Variants in MET observed in about 807,000 individuals in gnomAD.
The protein encoded by MET is MET proto-oncogene, receptor tyrosine kinase, also known as hepatocyte growth factor receptor.
In MET, 48 loss-of-function variants were observed where a neutral mutation model predicts 133.1. The observed-to-expected ratio is 0.36, with a 90% confidence interval of 0.29 to 0.46. MET has a LOEUF of 0.46. Among genes scored for constraint, MET ranks in the 20% least tolerant of loss-of-function variants. The pLI is 1.00. For missense variants in MET, 1,442 were observed against 1,695.9 expected (o/e 0.85, Z 2.63); for synonymous variants, 628 against 616.5 (o/e 1.02, Z -0.28).
chr7:116,728,353 A>T (rs1424713187), intron 2 of MET, among the ~76,000 whole-genome samples: 1 of 152,204 alleles, frequency 6.6e-6, no homozygotes, highest in Non-Finnish European at 1.5e-5. Context: ...TTGAGGAGAT[A>T]CTATTTAGAG....
intron 19 of MET, among the ~76,000 whole-genome samples, chr7:116,784,661 C>T (rs1795256079): frequency 6.6e-6 from 1 of 152,152 alleles, no homozygotes; most frequent in African/African-American, 2.4e-5. Context: ...CAACCACGCC[C>T]CTCCCTCAGC....
At chr7:116,727,780 G>A (rs768789594) in intron 2 of MET, among the ~76,000 whole-genome samples, 12 of 152,190 alleles carry the variant, frequency 7.9e-5, no homozygotes, top group Non-Finnish European at 1.8e-4. Flanking sequence ...TGTCTACAGT[G>A]CTGAGATAAA....
intron 17 of MET, among the ~76,000 whole-genome samples, chr7:116,780,442 A>AC (rs1158647241): frequency 2.6e-5 from 4 of 152,296 alleles, no homozygotes; most frequent in African/African-American, 9.6e-5. Context: ...AGGCGAATTG[A>AC]CCTTACAAAG....
chr7:116,696,518 A>G lies in MET; in HGVS notation c.-14-2553A>G, dbSNP rs201228499. Among the ~76,000 whole-genome samples the G allele has an allele frequency of 1.6e-4, 25 of 152,318 alleles. No individual in the cohort carries two copies. The East Asian group carries it at 4.8e-3, about 29-fold the overall frequency. On this transcript the variant is annotated intron_variant, in intron 1 of 20. Coordinates refer to ENST00000397752, the MANE Select transcript of MET (RefSeq NM_000245.4). ...CCTTGAAGATCAACAAACGGGTTCC[A>G]TGTGGACCAACGTCCTCCTTGAGAC...
In MET at chr7:116,718,864, T is replaced by A. The variant is rs1310503223; in HGVS notation, c.1201-12804T>A. On this transcript the variant is annotated intron_variant, in intron 2 of 20. Transcript: ENST00000397752. Reference sequence around the variant, plus strand: ...TGCATAGTATTCCATGGTGTATATGTGCCACATTTTCTTAATCCAGTCTAT... The same window carrying A: ...TGCATAGTATTCCATGGTGTATATGAGCCACATTTTCTTAATCCAGTCTAT... Among the ~76,000 whole-genome samples, 3 of 145,320 alleles carry A rather than the reference T, an allele frequency of 2.1e-5. No homozygotes were observed. In the Admixed American group the frequency reaches 2.1e-4, roughly 10 times the overall value.
At chr7:116,793,029 C>T (rs560981803) in intron 19 of MET, among the ~76,000 whole-genome samples, 1 of 152,280 alleles carries the variant, frequency 6.6e-6, no homozygotes, top group Non-Finnish European at 1.5e-5. Context: ...TGTCCCTCAC[C>T]TATTCTTATT....
At chr7:116,774,503 A>G (rs1794929911) in intron 14 of MET, among the ~76,000 whole-genome samples, 1 of 152,248 alleles carries the variant, frequency 6.6e-6, no homozygotes, top group Non-Finnish European at 1.5e-5. Context: ...CTCAAAAGGC[A>G]TCTTTTTCAT....
At chr7:116,691,006 T>C (rs935451509) in intron 1 of MET, among the ~76,000 whole-genome samples, 1 of 152,222 alleles carries the variant, frequency 6.6e-6, no homozygotes, top group African/African-American at 2.4e-5. Context: ...ATAATATAAA[T>C]GTGGACAGGG....
At chr7:116,698,201 A>G (rs975592473) in intron 1 of MET, among the ~76,000 whole-genome samples, 1 of 152,226 alleles carries the variant, frequency 6.6e-6, no homozygotes, top group South Asian at 2.1e-4. Flanking sequence ...GTGCACCTTA[A>G]GTTTTAAATA....
chr7:116,740,867 T>C lies in MET; in HGVS notation c.1543T>C (p.Leu515=). 1.2e-6 allele frequency: 2 copies of C among 1,614,138 alleles called. No homozygotes were observed. Among genetic ancestry groups the C allele is most frequent in the Non-Finnish European group, 1.7e-6 (2 of 1,180,018 alleles). ...ITGKKITKIP[L]NGLGCRHFQS... is the part of the protein sequence containing the mutation. ...CTCTTCACAGATCACGAAGATCCCA[T>C]TGAATGGCTTGGGCTGCAGACATTT... is the stretch of plus-strand genomic sequence containing the variant. The change falls in exon 5 of 21, where the codon TTG becomes CTG. Residue 515 remains leucine, a synonymous_variant. Transcript: ENST00000397752.
chr7:116,794,411 A>G (rs1795608986), intron 19 of MET, among the ~76,000 whole-genome samples: 1 of 152,348 alleles, frequency 6.6e-6, no homozygotes, highest in East Asian at 1.9e-4. Context: ...AAAGTTCTGT[A>G]GCTCCCTCCT....
intron 1 of MET, among the ~76,000 whole-genome samples, chr7:116,676,746 A>C (rs984043025): frequency 1.8e-4 from 27 of 152,144 alleles, no homozygotes; most frequent in African/African-American, 6.5e-4. Flanking sequence ...TATGAGGAGC[A>C]CTTCTCAGGA....
intron 6 of MET, among the ~76,000 whole-genome samples, chr7:116,756,838 C>A (rs1268551338): frequency 6.6e-6 from 1 of 152,164 alleles, no homozygotes; most frequent in African/African-American, 2.4e-5. Context: ...ATTATCCAAA[C>A]TTAGATTATT....
At chr7:116,731,646 C>G (rs2116778610) in intron 2 of MET, 22 bp from the exon 3 acceptor site, 1 of 1,613,644 alleles carries the variant, frequency 6.2e-7, no homozygotes, top group Non-Finnish European at 8.5e-7. Flanking sequence ...CACATTAACT[C>G]TATGACCATA....
rs2116983288 is a variant in MET at position 116,769,699 on chromosome 7, A to G, written c.2638A>G (p.Lys880Glu). 1 of 1,613,812 alleles carries G rather than the reference A, an allele frequency of 6.2e-7. No individual in the cohort carries two copies. Among genetic ancestry groups the G allele is most frequent in the African/African-American group, 1.3e-5 (1 of 74,970 alleles). The change falls in exon 12 of 21, where the codon AAG becomes GAG. Residue 880 changes from lysine to glutamate, a missense_variant. Physicochemically the swap from Lys to Glu is moderately conservative, Grantham distance 56. Transcript: ENST00000397752. The stretch of plus-strand genomic sequence containing the variant: ...AGGTGAAGTGTTAAAAGTTGGAAAT[A>G]AGAGCTGTGAGAATATACACTTACA... ...VKGEVLKVGN[K>E]SCENIHLHSE...
intron 1 of MET, among the ~76,000 whole-genome samples, chr7:116,684,051 C>T (rs1456615404): frequency 1.3e-5 from 2 of 152,188 alleles, no homozygotes; most frequent in Non-Finnish European, 2.9e-5. Flanking sequence ...TTACAGACTC[C>T]ACCACTTAGA....
chr7:116,739,809 C>T, intron 3 of MET, 141 bp from the exon 4 acceptor site: 2 of 1,168,054 alleles, frequency 1.7e-6, no homozygotes, highest in Non-Finnish European at 2.5e-6. Context: ...TATTGATTTA[C>T]AATGAGGGGA....
At position 116,797,772 on chromosome 7, in the gene MET, G is replaced by A; in HGVS notation, c.*1648G>A. 4.4e-6 allele frequency: 1 copy of A among 227,266 alleles called. No individual in the cohort carries two copies. The highest frequency in any genetic ancestry group is 8.7e-6 in the Non-Finnish European group (1 of 114,286). 14.1% of individuals were successfully genotyped at this position (227,266 alleles called of 1,614,324 possible). A position where few individuals can be genotyped will look rare whatever the true frequency, so the allele number is the denominator to read the frequency against. ...TGACTGTAAATTGCGATAAGGAAAT[G>A]TACTGATTGCCAATACACCCCACCC... On this transcript the variant is annotated 3_prime_UTR_variant, in exon 21 of 21. Transcript: ENST00000397752.
chr7:116,781,306 C>G (rs977239438), intron 17 of MET, among the ~76,000 whole-genome samples: 1 of 152,158 alleles, frequency 6.6e-6, no homozygotes, highest in Non-Finnish European at 1.5e-5. Flanking sequence ...GGTGTGCCTC[C>G]TCCTCTTGCA....
Sources: allele counts gnomAD v4.1 joint callset (sites outside exome capture counted in the v4.1 genomes callset), GRCh38; gene constraint gnomAD v4.1.1; transcripts MANE v1.5; gene names NCBI Gene and HGNC (gene_info 2026-07-23, HGNC 2026-07-21).